The following HCN4 variants were observed in gnomAD, a reference collection of about 807,000 sequenced individuals.
HCN4 encodes the protein potassium/sodium hyperpolarization-activated cyclic nucleotide-gated channel 4.
Under a neutral mutation model 76.9 loss-of-function variants are expected in HCN4, and 29 were observed. The observed-to-expected ratio is 0.38, with a 90% CI of 0.28 to 0.51. The LOEUF (loss-of-function observed/expected upper bound fraction) is 0.51, where lower values mean the gene tolerates loss of function less well. HCN4 is among the 20% of genes least tolerant of loss of function. HCN4 has a pLI of 0.90. For synonymous variants in HCN4, 772 were observed against 762.5 expected, an observed-to-expected ratio of 1.01 and a Z score of -0.21; for missense variants, 1,416 against 1,715.2, an observed-to-expected ratio of 0.83 and a Z score of 3.08.
chr15:73,342,884 T>C (rs529657138), intron 2 of HCN4, among the ~76,000 whole-genome samples: 1 of 152,342 alleles, frequency 6.6e-6, no homozygotes, highest in African/African-American at 2.4e-5. Context: ...GGCCACCCAA[T>C]ATAACGGAGA....
At chr15:73,357,560 A>C (rs2043086745) in intron 1 of HCN4, among the ~76,000 whole-genome samples, 1 of 152,016 alleles carries the variant, frequency 6.6e-6, no homozygotes, top group Non-Finnish European at 1.5e-5. Flanking sequence ...GGCTGGGAGG[A>C]GAGCGTGGTT....
intron 4 of HCN4, among the ~76,000 whole-genome samples, chr15:73,329,295 G>GGGCACAGGGCCTCAGCCAGGA (rs1221916273): frequency 1.3e-5 from 2 of 152,228 alleles, no homozygotes; most frequent in African/African-American, 4.8e-5. Flanking sequence ...GCAGCACGGA[G>GGGCACAGGGCCTCAGCCAGGA]GGCACAGGGC....
At chr15:73,332,107 G>A in intron 3 of HCN4, 24 bp downstream of exon 3, 1 of 1,612,176 alleles carries the variant, frequency 6.2e-7, no homozygotes, top group Non-Finnish European at 8.5e-7. Context: ...GGCCCAGAGA[G>A]AGGACCGGGC....
At chr15:73,324,900 C>T in intron 6 of HCN4, 55 bp downstream of exon 6, 1 of 1,609,750 alleles carries the variant, frequency 6.2e-7, no homozygotes, top group South Asian at 1.1e-5. Flanking sequence ...GGTATCTCCC[C>T]AAACCAGCCC....
At chr15:73,355,458 G>A (rs764327731) in intron 1 of HCN4, among the ~76,000 whole-genome samples, 6 of 152,122 alleles carry the variant, frequency 3.9e-5, no homozygotes, top group African/African-American at 1.4e-4. Flanking sequence ...GGAAGAACGC[G>A]CACCTCAGGG....
chr15:73,367,710 A>G lies in HCN4; in HGVS notation c.561T>C (p.Ala187=), dbSNP rs375206856. 5.4e-5 allele frequency: 86 copies of G among 1,597,754 alleles called. No individual in the cohort carries two copies. The African/African-American group carries it at 1.1e-3, about 20-fold the overall frequency. Residue 187 remains alanine (A), a synonymous_variant, in exon 1 of 8, where the codon GCT becomes GCC. Transcript: ENST00000261917. The surrounding 1 kb of genome is among the most constrained non-coding windows in gnomAD (Gnocchi z 7.5). ...ASCEQPSVDT[A]IKVEGGAAAG... is the part of the protein sequence containing the mutation. ...CAGCCGCGCCTCCCTCCACTTTGAT[A>G]GCGGTGTCCACCGAGGGCTGCTCGC...
At chr15:73,354,883 C>T (rs1193176029) in intron 1 of HCN4, among the ~76,000 whole-genome samples, 1 of 152,130 alleles carries the variant, frequency 6.6e-6, no homozygotes, top group South Asian at 2.1e-4. Flanking sequence ...CTCAAGAAGC[C>T]CTCAATATAG....
intron 1 of HCN4, among the ~76,000 whole-genome samples, chr15:73,351,611 C>A (rs1015860691): frequency 1.3e-5 from 2 of 152,206 alleles, no homozygotes; most frequent in African/African-American, 4.8e-5. Context: ...GGGGACTACT[C>A]CAACAGCTTC....
intron 1 of HCN4, among the ~76,000 whole-genome samples, chr15:73,352,305 T>C (rs1489987633): frequency 6.6e-6 from 1 of 152,128 alleles, no homozygotes; most frequent in Non-Finnish European, 1.5e-5. Context: ...AGCCACATGA[T>C]GCGGGCAGCC....
chr15:73,333,518 G>A (rs1236622966), intron 2 of HCN4, among the ~76,000 whole-genome samples: 1 of 152,176 alleles, frequency 6.6e-6, no homozygotes, highest in Non-Finnish European at 1.5e-5. Flanking sequence ...CCTGTAGCTA[G>A]TGGCAAGCTG....
intron 2 of HCN4, among the ~76,000 whole-genome samples, chr15:73,334,204 G>C (rs554830728): frequency 6.6e-6 from 1 of 152,290 alleles, no homozygotes; most frequent in South Asian, 2.1e-4. Context: ...CAGCGTTTGA[G>C]CTCCTGGCTA....
chr15:73,329,579 C>G lies in HCN4; in HGVS notation c.1584G>C (p.Gln528His). 1 of 1,614,050 alleles carries G rather than the reference C, an allele frequency of 6.2e-7. No individual in the cohort carries two copies. Among genetic ancestry groups the G allele is most frequent in the Admixed American group, 1.7e-5 (1 of 60,020 alleles). ...GCTCCCTGGGTAGACCTACCTTTTC[C>G]TGGTACTGGCGCCGGGAGGAGTCCA... ...QSLDSSRRQY[Q>H]EKYKQVEQYM... Residue 528 changes from glutamine to histidine, a missense_variant, in exon 4 of 8, where the codon CAG (glutamine) becomes CAC (histidine). By Grantham distance (24) the Gln-to-His change is conservative. Around this residue, in one of 6 missense-constraint regions of HCN4, gnomAD observed 241 missense variants for 379.4 expected, o/e 0.64. Coordinates refer to ENST00000261917, the MANE Select transcript of HCN4 (RefSeq NM_005477.3).
In HCN4 at chr15:73,329,631, C is replaced by G; in HGVS notation, c.1532G>C (p.Gly511Ala). 1 of 1,614,178 alleles carries G rather than the reference C, an allele frequency of 6.2e-7. No individual in the cohort carries two copies. Among genetic ancestry groups the G allele is most frequent in the Non-Finnish European group, 8.5e-7 (1 of 1,180,008 alleles). ...VGATCYAMFI[G>A]HATALIQSLD... ...GGACTGGATGAGGGCAGTGGCGTGG[C>G]CAATGAACATGGCGTAGCAGGTGGC... Residue 511 changes from glycine (G) to alanine (A), a missense_variant, in exon 4 of 8, where the codon GGC becomes GCC. By Grantham distance (60) the Gly-to-Ala change is moderately conservative. Coordinates refer to ENST00000261917, the MANE Select transcript of HCN4 (RefSeq NM_005477.3).
intron 1 of HCN4, among the ~76,000 whole-genome samples, chr15:73,358,427 G>A (rs919879179): frequency 3.3e-5 from 5 of 152,224 alleles, no homozygotes; most frequent in African/African-American, 1.2e-4. Context: ...AACAGGGGCT[G>A]CTCTAGCCTC....
intron 1 of HCN4, among the ~76,000 whole-genome samples, chr15:73,357,986 C>A (rs2043088788): frequency 6.6e-6 from 1 of 152,154 alleles, no homozygotes; most frequent in Admixed American, 6.5e-5. Flanking sequence ...GGTCAGGATT[C>A]AGGGCTCAAT....
rs866060091 is a variant in HCN4 at position 73,323,074 on chromosome 15, C to T, written c.3019G>A (p.Val1007Met). ...PPRQPEPPSL[V>M]AGASGGASPV... ...GAAGCCCCCCCAGAGGCCCCTGCCACAAGGGACGGCGGCTCAGGCTGCCGT... is the reference window on the plus strand; with the variant it reads ...GAAGCCCCCCCAGAGGCCCCTGCCATAAGGGACGGCGGCTCAGGCTGCCGT... The change falls in exon 8 of 8, where the codon GTG (valine) becomes ATG (methionine). Residue 1007 changes from valine (V) to methionine (M), a missense_variant. Coordinates refer to ENST00000261917, the MANE Select transcript of HCN4 (RefSeq NM_005477.3). 1 of 1,560,516 alleles carries T rather than the reference C, an allele frequency of 6.4e-7. No individual in the cohort carries two copies.
intron 2 of HCN4, chr15:73,341,069 G>GGGGTGTGT (rs1491312112): frequency 4.1e-5 from 6 of 145,862 alleles, no homozygotes; most frequent in African/African-American, 1.0e-4. Flanking sequence ...GAGGGAGGTA[G>GGGGTGTGT]GTGTGTGTGT....
intron 1 of HCN4, among the ~76,000 whole-genome samples, chr15:73,361,787 G>A (rs374143453): frequency 1.3e-5 from 2 of 152,206 alleles, no homozygotes; most frequent in African/African-American, 2.4e-5. Flanking sequence ...CCCCAGGGGC[G>A]GCTGCTGGCC....
rs755045896 is a variant in HCN4 at position 73,367,741 on chromosome 15, G to A, written c.530C>T (p.Ala177Val). Residue 177 changes from alanine (A) to valine (V), a missense_variant, in exon 1 of 8, where the codon GCC (alanine) becomes GTC (valine). Coordinates refer to ENST00000261917, the MANE Select transcript of HCN4 (RefSeq NM_005477.3). The surrounding 1 kb of genome is among the most constrained non-coding windows in gnomAD (Gnocchi z 7.5). ...PPQQPPQPAS[A>V]SCEQPSVDTA... ...GTCCACCGAGGGCTGCTCGCAGGAG[G>A]CGGAGGCCGGCTGCGGTGGCTGCTG... The A allele has an allele frequency of 6.3e-7, 1 of 1,579,000 alleles. No individual in the cohort carries two copies. The highest frequency in any genetic ancestry group is 1.7e-5 in the Admixed American group (1 of 57,682).
Sources: allele counts gnomAD v4.1 joint callset (sites outside exome capture counted in the v4.1 genomes callset), GRCh38; gene constraint gnomAD v4.1.1; regional missense constraint gnomAD v4.1.1; non-coding constraint Gnocchi (gnomAD v3.1); transcripts MANE v1.5; gene names NCBI Gene and HGNC (gene_info 2026-07-23, HGNC 2026-07-21).